Variants in PDE3A observed in about 807,000 individuals in gnomAD.
The protein encoded by PDE3A is phosphodiesterase 3A.
A neutral mutation model predicts 98.3 loss-of-function variants in PDE3A; 43 were observed. The observed-to-expected ratio is 0.44, with a 90% CI of 0.34 to 0.56. PDE3A has a LOEUF of 0.56. PDE3A is among the 20% of genes least tolerant of loss of function. The probability of loss-of-function intolerance (pLI) is 0.01; values close to 1 mark genes in which losing one functional copy is unlikely to be tolerated. For synonymous variants in PDE3A, 663 were observed against 567.9 expected, an observed-to-expected ratio of 1.17 and a Z score of -2.38; for missense variants, 1,427 against 1,440.7, an observed-to-expected ratio of 0.99 and a Z score of 0.15.
In PDE3A at chr12:20,369,180, A is replaced by T; in HGVS notation, c.-105A>T. On this transcript the variant is annotated 5_prime_UTR_variant, in exon 1 of 16. Coordinates refer to ENST00000359062, the MANE Select transcript of PDE3A (RefSeq NM_000921.5). Reference sequence around the variant, plus strand: ...GGATTCCGAGGGTGGAATTGGGAAGAGCGTGCGTGCGTGTGTGTGTGTGTG... The same window carrying T: ...GGATTCCGAGGGTGGAATTGGGAAGTGCGTGCGTGCGTGTGTGTGTGTGTG... The T allele has an allele frequency of 3.2e-6, 2 of 626,644 alleles. No individual in the cohort carries two copies. The highest frequency in any genetic ancestry group is 2.4e-5 in the South Asian group (1 of 42,504). 38.8% of individuals were successfully genotyped at this position (626,644 alleles called of 1,614,324 possible).
chr12:20,430,977 T>C (rs1469753911), intron 1 of PDE3A, among the ~76,000 whole-genome samples: 2 of 152,190 alleles, frequency 1.3e-5, no homozygotes, highest in Non-Finnish European at 2.9e-5. Context: ...TGGGCTGCAG[T>C]TAGCCACAAT....
chr12:20,463,086 GA>G (rs2120934209), intron 1 of PDE3A, among the ~76,000 whole-genome samples: 1 of 152,150 alleles, frequency 6.6e-6, no homozygotes, highest in East Asian at 1.9e-4. Context: ...CTATACTCTT[GA>G]TTATGCCCAT....
chr12:20,475,557 C>T (rs1162712908), intron 1 of PDE3A, among the ~76,000 whole-genome samples: 1 of 151,918 alleles, frequency 6.6e-6, no homozygotes, highest in Non-Finnish European at 1.5e-5. Context: ...GGTGAAACCC[C>T]ATCTCTACCA....
At chr12:20,551,008 AAT>A (rs1043571503) in intron 1 of PDE3A, among the ~76,000 whole-genome samples, 2 of 150,174 alleles carry the variant, frequency 1.3e-5, no homozygotes, top group Non-Finnish European at 3.0e-5. Flanking sequence ...TATGTGTGTA[AAT>A]ATATATATAC....
At chr12:20,433,905 G>A (rs1944738996) in intron 1 of PDE3A, among the ~76,000 whole-genome samples, 1 of 152,066 alleles carries the variant, frequency 6.6e-6, no homozygotes, top group African/African-American at 2.4e-5. Flanking sequence ...AGTGTTTTAA[G>A]TATAGTAGTC....
intron 1 of PDE3A, among the ~76,000 whole-genome samples, chr12:20,418,066 G>C (rs1054953823): frequency 1.3e-4 from 20 of 151,896 alleles, no homozygotes; most frequent in African/African-American, 4.8e-4. Context: ...GAGAATCTAG[G>C]ATGGCCAAAA....
intron 2 of PDE3A, among the ~76,000 whole-genome samples, chr12:20,601,980 T>G (rs1008996382): frequency 2.6e-5 from 4 of 152,234 alleles, no homozygotes; most frequent in Non-Finnish European, 4.4e-5. Context: ...CCCACATTTA[T>G]CAGCTTTCTG....
At chr12:20,672,227 G>A (rs1436584325) in intron 15 of PDE3A, among the ~76,000 whole-genome samples, 1 of 148,334 alleles carries the variant, frequency 6.7e-6, no homozygotes, top group Non-Finnish European at 1.5e-5. Context: ...AACATTCCAT[G>A]CTCATGGGTA....
chr12:20,580,652 C>T (rs1481165051), intron 2 of PDE3A, among the ~76,000 whole-genome samples: 1 of 152,116 alleles, frequency 6.6e-6, no homozygotes, highest in African/African-American at 2.4e-5. Flanking sequence ...TTCTGTTTCT[C>T]TTTCTATTGA....
At chr12:20,463,667 G>T (rs1237657079) in intron 1 of PDE3A, among the ~76,000 whole-genome samples, 1 of 152,088 alleles carries the variant, frequency 6.6e-6, no homozygotes, top group Admixed American at 6.5e-5. Context: ...ATCTGCTCTT[G>T]TTGTTTTCAT....
intron 15 of PDE3A, among the ~76,000 whole-genome samples, chr12:20,661,992 G>T (rs930486543): frequency 1.3e-5 from 2 of 152,182 alleles, no homozygotes; most frequent in Admixed American, 6.5e-5. Context: ...CTCAATGCCA[G>T]CCCATGAAAG....
intron 15 of PDE3A, among the ~76,000 whole-genome samples, chr12:20,674,046 G>C (rs560200758): frequency 1.3e-5 from 2 of 151,828 alleles, no homozygotes; most frequent in Middle Eastern, 3.4e-3. Flanking sequence ...TATCCATCTT[G>C]GTTAAATTTA....
chr12:20,609,036 A>G (rs956775543), intron 2 of PDE3A, among the ~76,000 whole-genome samples: 1 of 152,030 alleles, frequency 6.6e-6, no homozygotes, highest in Admixed American at 6.6e-5. Context: ...AAGCATAATG[A>G]TTAGAGATGC....
At chr12:20,463,049 A>G (rs915225765) in intron 1 of PDE3A, among the ~76,000 whole-genome samples, 4 of 152,190 alleles carry the variant, frequency 2.6e-5, no homozygotes, top group Admixed American at 2.6e-4. Flanking sequence ...CTGGGATTAC[A>G]GGCATGAACC....
Position 20,370,249 on chromosome 12 carries a change from G to C in PDE3A, c.960+5G>C. 1 of 1,522,052 alleles carries C rather than the reference G, an allele frequency of 6.6e-7. No individual in the cohort carries two copies. The allele number at this position is 1,522,052 out of a possible 1,614,324, so 94.3% of individuals were successfully genotyped here. A position where few individuals can be genotyped will look rare whatever the true frequency, so the allele number is the denominator to read the frequency against. On this transcript the variant is annotated splice_donor_5th_base_variant and intron_variant, in intron 1 of 15. Coordinates refer to ENST00000359062, the MANE Select transcript of PDE3A (RefSeq NM_000921.5). ...CCCTGTATACCGAGGGAACAGGTAA[G>C]CACTGGCAACTCCTCTCTCGGCTCT...
At chr12:20,508,932 G>A (rs1232387451) in intron 1 of PDE3A, among the ~76,000 whole-genome samples, 3 of 151,742 alleles carry the variant, frequency 2.0e-5, no homozygotes, top group Admixed American at 2.0e-4. Flanking sequence ...CATTCTTACA[G>A]GTTAAGGAAT....
At chr12:20,525,046 C>T (rs571726852) in intron 1 of PDE3A, among the ~76,000 whole-genome samples, 37 of 152,198 alleles carry the variant, frequency 2.4e-4, no homozygotes, top group African/African-American at 7.5e-4. Context: ...GCAGGAGAAT[C>T]GCTTGAACCC....
chr12:20,404,825 A>ATTTTT (rs1944201596), intron 1 of PDE3A, among the ~76,000 whole-genome samples: 1 of 53,458 alleles, frequency 1.9e-5, no homozygotes, highest in African/African-American at 6.4e-5. Flanking sequence ...TAGGTTACAG[A>ATTTTT]GTTTTTTTTT....
intron 1 of PDE3A, among the ~76,000 whole-genome samples, chr12:20,469,727 G>A (rs1320353982): frequency 6.6e-6 from 1 of 152,034 alleles, no homozygotes; most frequent in Non-Finnish European, 1.5e-5. Flanking sequence ...TAAATTTTTA[G>A]GTACAACATA....
Sources: allele counts gnomAD v4.1 joint callset (sites outside exome capture counted in the v4.1 genomes callset), GRCh38; gene constraint gnomAD v4.1.1; transcripts MANE v1.5; gene names NCBI Gene and HGNC (gene_info 2026-07-23, HGNC 2026-07-21).